The following MTMR3 variants were observed in gnomAD, a reference collection of about 807,000 sequenced individuals.
MTMR3 encodes the protein myotubularin related protein 3.
Under a neutral mutation model 132.4 loss-of-function variants are expected in MTMR3, and 32 were observed. That is an observed-to-expected ratio of 0.24 (90% CI 0.18 to 0.32). The LOEUF (loss-of-function observed/expected upper bound fraction) is 0.32, where lower values mean the gene tolerates loss of function less well. Ranked by LOEUF, MTMR3 falls within the 10% of genes least tolerant of loss-of-function variation. The pLI is 1.00. For missense variants in MTMR3, 1,216 were observed against 1,489.6 expected (o/e 0.82, Z 3.02); for synonymous variants, 556 against 550.3 (o/e 1.01, Z -0.14).
At chr22:29,926,215 A>G (rs1387077180) in intron 1 of MTMR3, among the ~76,000 whole-genome samples, 5 of 152,194 alleles carry the variant, frequency 3.3e-5, no homozygotes, top group African/African-American at 9.6e-5. Flanking sequence ...GTAGCACATT[A>G]TCAGTACTTA....
At chr22:29,923,184 G>A (rs2065452351) in intron 1 of MTMR3, among the ~76,000 whole-genome samples, 1 of 151,516 alleles carries the variant, frequency 6.6e-6, no homozygotes, top group Middle Eastern at 3.4e-3. Context: ...TGGGACTACA[G>A]GTGCGTGTCA....
intron 1 of MTMR3, among the ~76,000 whole-genome samples, chr22:29,935,540 T>TA (rs1569012335): frequency 6.6e-6 from 1 of 152,190 alleles, no homozygotes. Context: ...ACTGAAATGA[T>TA]ACGGCAGAGT....
chr22:29,954,015 C>T (rs528444150), intron 1 of MTMR3, among the ~76,000 whole-genome samples: 15 of 146,986 alleles, frequency 1.0e-4, no homozygotes, highest in Non-Finnish European at 1.9e-4. Context: ...GAGCTTCTTT[C>T]AGACTCACCT....
chr22:29,934,946 C>T (rs2065718920), intron 1 of MTMR3, among the ~76,000 whole-genome samples: 1 of 152,120 alleles, frequency 6.6e-6, no homozygotes, highest in Admixed American at 6.5e-5. Flanking sequence ...GTAATTTATC[C>T]ATTTAGACTA....
chr22:29,986,332 T>A (rs1338130905), intron 5 of MTMR3: 1 of 153,106 alleles, frequency 6.5e-6, no homozygotes, highest in Non-Finnish European at 1.5e-5. Flanking sequence ...GGGGATATAG[T>A]GAGTAAGGTA....
chr22:29,943,092 A>G (rs1352639133), intron 1 of MTMR3, among the ~76,000 whole-genome samples: 1 of 152,172 alleles, frequency 6.6e-6, no homozygotes, highest in East Asian at 1.9e-4. Flanking sequence ...GGAACTAATA[A>G]ATGTCCATGA....
rs189614560 is a variant in MTMR3 at position 29,955,263 on chromosome 22, G to A, written c.-137-1773G>A. Among the ~76,000 whole-genome samples the A allele has an allele frequency of 5.3e-5, 8 of 152,256 alleles. No homozygotes were observed. The East Asian group carries it at 1.5e-3, about 29-fold the overall frequency. On this transcript the variant is annotated intron_variant, in intron 1 of 19. Transcript: ENST00000401950. ...GCCTCCCAAAGTGTTGGGATTAGAG[G>A]TATGAGTCATTGCACCCGGCCAGAC...
rs1320940239 is a variant in MTMR3 at position 30,020,893 on chromosome 22, G to A, written c.3225+9G>A. The A allele has an allele frequency of 6.4e-7, 1 of 1,568,780 alleles. No individual in the cohort carries two copies. The highest frequency in any genetic ancestry group is 2.3e-5 in the East Asian group (1 of 42,878). ...ACTTTGGGGATGAGGTGGTGAGTAGGCTGTGGTATTCCTCCATAGCTGCCC... is the reference window on the plus strand; with the variant it reads ...ACTTTGGGGATGAGGTGGTGAGTAGACTGTGGTATTCCTCCATAGCTGCCC... On this transcript the variant is annotated intron_variant, in intron 17 of 19. Coordinates refer to ENST00000401950, the MANE Select transcript of MTMR3 (RefSeq NM_021090.4).
At chr22:29,921,092 T>C (rs1422550110) in intron 1 of MTMR3, among the ~76,000 whole-genome samples, 2 of 152,100 alleles carry the variant, frequency 1.3e-5, no homozygotes, top group Non-Finnish European at 2.9e-5. Flanking sequence ...TACCCAAGGC[T>C]GGGTAGTTTA....
In MTMR3 at chr22:30,027,709, C is replaced by G. The variant is rs2067939036; in HGVS notation, c.*1908C>G. 1 of 152,888 alleles carries G rather than the reference C, an allele frequency of 6.5e-6. No homozygotes were observed. The highest frequency in any genetic ancestry group is 6.5e-5 in the Admixed American group (1 of 15,304). 9.5% of individuals were successfully genotyped at this position (152,888 alleles called of 1,614,324 possible). A position where few individuals can be genotyped will look rare whatever the true frequency, so the allele number is the denominator to read the frequency against. On this transcript the variant is annotated 3_prime_UTR_variant, in exon 20 of 20. Transcript: ENST00000401950. The stretch of plus-strand genomic sequence containing the variant: ...TCCTTTGTTAAAGGAGGAACCGTAA[C>G]TCTCCATAGCTGTACATATAACCCT...
At position 29,971,450 on chromosome 22, in the gene MTMR3, A is replaced by G. The variant is rs556551418; in HGVS notation, c.3+388A>G. Among the ~76,000 whole-genome samples the G allele has an allele frequency of 2.0e-5, 3 of 152,292 alleles. No homozygotes were observed. In the East Asian group the frequency reaches 5.8e-4, roughly 29 times the overall value. On this transcript the variant is annotated intron_variant, in intron 3 of 19. Coordinates refer to ENST00000401950, the MANE Select transcript of MTMR3 (RefSeq NM_021090.4). ...GACAAATTGTAAGATGGTAATCTGC[A>G]TATTTACTTAAAAATTTTTTTAAAT...
intron 2 of MTMR3, among the ~76,000 whole-genome samples, chr22:29,961,882 C>G (rs1158038359): frequency 6.6e-6 from 1 of 152,150 alleles, no homozygotes; most frequent in African/African-American, 2.4e-5. Flanking sequence ...TTTAGATATA[C>G]AAATAGGGAG....
rs1569019568 is a variant in MTMR3, at chr22:29,949,130, CACACACACACACA to C, written c.-137-7905_-137-7893del. 1.8e-3 allele frequency among the ~76,000 whole-genome samples: 76 copies of C among 42,136 alleles called. 1 individual carries two copies. Among genetic ancestry groups the C allele is most frequent in the African/African-American group, 2.0e-3 (16 of 8,188 alleles). 27.6% of individuals were successfully genotyped at this position (42,136 alleles called of 152,430 possible). Reference sequence around the variant, plus strand: ...ACACACACACACACACACACACACACACACACACACACACCCCCCCCCCCCCCCCCGAGGCCCT... The same window carrying C: ...ACACACACACACACACACACACACACCCCCCCCCCCCCCCCCCGAGGCCCT... On this transcript the variant is annotated intron_variant, in intron 1 of 19. Transcript: ENST00000401950.
chr22:30,019,358 C>G, intron 16 of MTMR3, 122 bp from the exon 17 acceptor site: 1 of 898,770 alleles, frequency 1.1e-6, no homozygotes, highest in Non-Finnish European at 1.7e-6. Flanking sequence ...AGAGATGCTA[C>G]AGCTCCATGA....
intron 7 of MTMR3, chr22:29,992,732 G>A (rs991323743): frequency 3.3e-5 from 5 of 152,110 alleles, no homozygotes; most frequent in Non-Finnish European, 7.3e-5. Context: ...TCTGCCCTGG[G>A]TCATTTTAAA....
At chr22:29,960,671 G>A (rs2066293467) in intron 2 of MTMR3, among the ~76,000 whole-genome samples, 2 of 152,112 alleles carry the variant, frequency 1.3e-5, no homozygotes, top group African/African-American at 2.4e-5. Flanking sequence ...ACAATTCTTT[G>A]ATGCAATGAT....
intron 2 of MTMR3, among the ~76,000 whole-genome samples, chr22:29,957,993 A>G (rs2066234283): frequency 6.6e-6 from 1 of 151,250 alleles, no homozygotes; most frequent in African/African-American, 2.4e-5. Flanking sequence ...AGGAAAAACT[A>G]TATATATATA....
chr22:29,969,096 G>A (rs1282400711), intron 2 of MTMR3, among the ~76,000 whole-genome samples: 1 of 152,178 alleles, frequency 6.6e-6, no homozygotes, highest in African/African-American at 2.4e-5. Flanking sequence ...CTCTAGTCTG[G>A]TTTAACTAGC....
At chr22:29,964,475 A>T (rs1339259208) in intron 2 of MTMR3, among the ~76,000 whole-genome samples, 2 of 152,118 alleles carry the variant, frequency 1.3e-5, no homozygotes, top group Non-Finnish European at 2.9e-5. Context: ...ATGGATTTGG[A>T]ATTCCTATAG....
Sources: allele counts gnomAD v4.1 joint callset (sites outside exome capture counted in the v4.1 genomes callset), GRCh38; gene constraint gnomAD v4.1.1; transcripts MANE v1.5; gene names NCBI Gene and HGNC (gene_info 2026-07-23, HGNC 2026-07-21).